The following ARNT2 variants were observed in gnomAD, a reference collection of about 807,000 sequenced individuals.
ARNT2 encodes ARNT protein 2.
A neutral mutation model predicts 91.7 loss-of-function variants in ARNT2; 36 were observed. The observed-to-expected ratio is 0.39, with a 90% CI of 0.30 to 0.52. The LOEUF is 0.52. ARNT2 is among the 20% of genes least tolerant of loss of function. ARNT2 has a pLI of 0.72. For missense variants in ARNT2, 775 were observed against 939.3 expected (o/e 0.83, Z 2.29); for synonymous variants, 365 against 347.1 (o/e 1.05, Z -0.57).
intron 8 of ARNT2, among the ~76,000 whole-genome samples, chr15:80,518,559 A>G (rs1416275285): frequency 2.0e-5 from 3 of 152,144 alleles, no homozygotes; most frequent in African/African-American, 7.2e-5. Flanking sequence ...GATTATAGGC[A>G]GGAACCATGG....
At chr15:80,573,962 C>T in intron 12 of ARNT2, 186 bp from the exon 13 acceptor site, 2 of 574,362 alleles carry the variant, frequency 3.5e-6, no homozygotes, top group Non-Finnish European at 6.2e-6. Flanking sequence ...GTAGCCTAAA[C>T]ATGAAATGCA....
intron 3 of ARNT2, among the ~76,000 whole-genome samples, chr15:80,469,794 T>C (rs1026298408): frequency 2.0e-5 from 3 of 152,272 alleles, no homozygotes; most frequent in South Asian, 4.1e-4. Context: ...TTTGTATTTT[T>C]AGTAGAGATG....
intron 1 of ARNT2, among the ~76,000 whole-genome samples, chr15:80,437,878 A>G (rs552390917): frequency 6.6e-6 from 1 of 151,142 alleles, no homozygotes; most frequent in South Asian, 2.1e-4. Flanking sequence ...ATGTAGTCTT[A>G]CCATTCAGTT....
At chr15:80,529,755 A>G (rs1236040434) in intron 8 of ARNT2, among the ~76,000 whole-genome samples, 1 of 152,148 alleles carries the variant, frequency 6.6e-6, no homozygotes, top group Non-Finnish European at 1.5e-5. Flanking sequence ...TGATTTCTCA[A>G]ATCTGCTTTC....
At chr15:80,445,829 C>G (rs181780940) in intron 1 of ARNT2, among the ~76,000 whole-genome samples, 1 of 152,042 alleles carries the variant, frequency 6.6e-6, no homozygotes, top group African/African-American at 2.4e-5. Flanking sequence ...CTGGCCACAG[C>G]CTCACGTGGG....
At chr15:80,554,802 A>G in intron 10 of ARNT2, 1 of 357,586 alleles carries the variant, frequency 2.8e-6, no homozygotes, top group Non-Finnish European at 5.1e-6. Context: ...ATAAAATTGC[A>G]TTCTGAAGCT....
intron 8 of ARNT2, among the ~76,000 whole-genome samples, chr15:80,519,681 T>C (rs1566992107): frequency 2.0e-5 from 3 of 147,390 alleles, no homozygotes; most frequent in Non-Finnish European, 4.5e-5. Flanking sequence ...GGGAGGTATG[T>C]AGCTTTTTTT....
chr15:80,434,922 A>G (rs1896064371), intron 1 of ARNT2, among the ~76,000 whole-genome samples: 1 of 152,140 alleles, frequency 6.6e-6, no homozygotes, highest in African/African-American at 2.4e-5. Context: ...AGATGGATAC[A>G]ACAGGGGAGC....
chr15:80,486,732 G>A (rs549038570), intron 5 of ARNT2, among the ~76,000 whole-genome samples: 3 of 152,270 alleles, frequency 2.0e-5, no homozygotes, highest in Non-Finnish European at 2.9e-5. Flanking sequence ...TGCCCTGCTG[G>A]GGGATAGGAA....
At chr15:80,532,172 T>C (rs1176252262) in intron 8 of ARNT2, among the ~76,000 whole-genome samples, 1 of 152,212 alleles carries the variant, frequency 6.6e-6, no homozygotes, top group Non-Finnish European at 1.5e-5. Context: ...TAACTACTAT[T>C]ATTCCCATTT....
At chr15:80,561,845 A>G (rs954793404) in intron 11 of ARNT2, among the ~76,000 whole-genome samples, 1 of 152,232 alleles carries the variant, frequency 6.6e-6, no homozygotes, top group African/African-American at 2.4e-5. Flanking sequence ...CCCAAAGTGC[A>G]AGAATAGTGA....
intron 5 of ARNT2, among the ~76,000 whole-genome samples, chr15:80,499,166 C>T (rs1897158633): frequency 6.6e-6 from 1 of 152,170 alleles, no homozygotes; most frequent in Non-Finnish European, 1.5e-5. Flanking sequence ...AGTTAATCTG[C>T]TTTTTATTAT....
intron 1 of ARNT2, among the ~76,000 whole-genome samples, chr15:80,424,410 C>G (rs930379731): frequency 6.6e-6 from 1 of 152,188 alleles, no homozygotes; most frequent in Non-Finnish European, 1.5e-5. Flanking sequence ...ATTTCATTCC[C>G]ACTTTTATTG....
At chr15:80,543,993 A>G (rs1897952653) in intron 8 of ARNT2, among the ~76,000 whole-genome samples, 1 of 152,090 alleles carries the variant, frequency 6.6e-6, no homozygotes, top group Non-Finnish European at 1.5e-5. Context: ...TGCCCACTTC[A>G]GCCTCCCAAA....
At chr15:80,570,366 GA>G (rs1596019634) in intron 12 of ARNT2, among the ~76,000 whole-genome samples, 1 of 152,288 alleles carries the variant, frequency 6.6e-6, no homozygotes, top group East Asian at 1.9e-4. Flanking sequence ...GCAGAGATGT[GA>G]AAATATTGAC....
At chr15:80,531,021 G>A (rs903805759) in intron 8 of ARNT2, among the ~76,000 whole-genome samples, 8 of 152,174 alleles carry the variant, frequency 5.3e-5, no homozygotes, top group Non-Finnish European at 7.4e-5. Context: ...GGCCAAAGAA[G>A]CTTTTTTTGC....
At chr15:80,527,270 G>A (rs1287374837) in intron 8 of ARNT2, among the ~76,000 whole-genome samples, 1 of 152,192 alleles carries the variant, frequency 6.6e-6, no homozygotes, top group African/African-American at 2.4e-5. Flanking sequence ...GAGGAGACAG[G>A]TAGGCCTGCA....
chr15:80,464,233 C>T (rs1247159743), intron 3 of ARNT2, among the ~76,000 whole-genome samples: 2 of 151,958 alleles, frequency 1.3e-5, no homozygotes, highest in Non-Finnish European at 2.9e-5. Context: ...GACTGGCAGG[C>T]CTGTTCCCAG....
At chr15:80,587,846 G>A (rs1192770527) in intron 17 of ARNT2, among the ~76,000 whole-genome samples, 1 of 152,226 alleles carries the variant, frequency 6.6e-6, no homozygotes. Context: ...TGCAAGTATT[G>A]TCATGTGACT....
Sources: gnomAD v4.1 joint callset for allele counts (sites outside exome capture counted in the v4.1 genomes callset) on GRCh38, gnomAD v4.1.1 for gene constraint, MANE v1.5 for transcripts, NCBI Gene and HGNC (gene_info 2026-07-23, HGNC 2026-07-21) for gene names.